Variants in CREG2 observed in about 807,000 individuals in gnomAD.
The protein encoded by CREG2 is protein CREG2.
A neutral mutation model predicts 26.2 loss-of-function variants in CREG2; 24 were observed. The observed-to-expected ratio is 0.92, with a 90% CI of 0.66 to 1.29. The LOEUF (loss-of-function observed/expected upper bound fraction) is 1.29. Ranked by LOEUF, CREG2 falls within the 50% of genes most tolerant of loss-of-function variation. The probability of loss-of-function intolerance (pLI) is 0.00; values close to 1 mark genes in which losing one functional copy is unlikely to be tolerated. For synonymous variants in CREG2, 174 were observed against 169.2 expected (o/e 1.03, Z -0.22); for missense variants, 366 against 398.6 (o/e 0.92, Z 0.70).
At chr2:101,364,221 G>A (rs577667515) in intron 2 of CREG2, among the ~76,000 whole-genome samples, 128 of 152,338 alleles carry the variant, frequency 8.4e-4, no homozygotes, top group African/African-American at 3.0e-3. Flanking sequence ...GTAACAGAAG[G>A]AAGGTAGGTG....
intron 3 of CREG2, among the ~76,000 whole-genome samples, chr2:101,352,285 C>T (rs545696845): frequency 1.2e-4 from 18 of 152,318 alleles, no homozygotes; most frequent in African/African-American, 4.3e-4. Context: ...TCCATTTGAA[C>T]AAAAGTTGCT....
intron 1 of CREG2, among the ~76,000 whole-genome samples, chr2:101,385,302 C>T (rs747381669): frequency 2.0e-4 from 31 of 152,160 alleles, no homozygotes; most frequent in African/African-American, 6.8e-4. Flanking sequence ...GTGCCTTAGC[C>T]TCCCAAGTTG....
At chr2:101,375,342 A>G (rs1022921668) in intron 2 of CREG2, among the ~76,000 whole-genome samples, 3 of 152,158 alleles carry the variant, frequency 2.0e-5, no homozygotes, top group Non-Finnish European at 4.4e-5. Flanking sequence ...TCAGTTTGCA[A>G]AACCACACCG....
chr2:101,354,293 C>T (rs6732143), intron 3 of CREG2, among the ~76,000 whole-genome samples: 102,359 of 152,022 alleles, frequency 0.67, 36,322 homozygotes, highest in South Asian at 0.78. Context: ...AACGTTTGTG[C>T]GCACACACAC....
chr2:101,377,369 A>G (rs1481733809), intron 2 of CREG2, among the ~76,000 whole-genome samples: 1 of 152,076 alleles, frequency 6.6e-6, no homozygotes, highest in African/African-American at 2.4e-5. Flanking sequence ...GGAGAATATC[A>G]CCCCACAGAC....
intron 2 of CREG2, among the ~76,000 whole-genome samples, chr2:101,378,181 T>G (rs1684818911): frequency 6.6e-6 from 1 of 152,226 alleles, no homozygotes; most frequent in African/African-American, 2.4e-5. Context: ...ATGAGTCGAC[T>G]TATTTAGATT....
intron 2 of CREG2, among the ~76,000 whole-genome samples, chr2:101,358,036 C>A (rs1051245222): frequency 3.3e-5 from 5 of 151,498 alleles, no homozygotes; most frequent in African/African-American, 1.2e-4. Context: ...CTCTGTCTCC[C>A]AGGCTGGAGT....
intron 2 of CREG2, among the ~76,000 whole-genome samples, chr2:101,374,633 C>T (rs964697429): frequency 6.6e-6 from 1 of 152,234 alleles, no homozygotes; most frequent in African/African-American, 2.4e-5. Flanking sequence ...TACGTCTTGG[C>T]TCTTAGCAAG....
chr2:101,372,770 T>C lies in CREG2; in HGVS notation c.611+10763A>G, dbSNP rs114259424. 9.0e-3 allele frequency among the ~76,000 whole-genome samples: 1,366 copies of C among 152,288 alleles called. 20 individuals carry two copies. The highest frequency in any genetic ancestry group is 0.03 in the African/African-American group (1,253 of 41,538). On this transcript the variant is annotated intron_variant, in intron 2 of 3. Coordinates refer to ENST00000324768, the MANE Select transcript of CREG2 (RefSeq NM_153836.4). ...TCTAAAAAGGTTCATATCTAGAATA[T>C]ATAAAGACTCTTACAACTCAACAAT...
chr2:101,370,687 C>T (rs1684690263), intron 2 of CREG2, among the ~76,000 whole-genome samples: 1 of 152,136 alleles, frequency 6.6e-6, no homozygotes, highest in Non-Finnish European at 1.5e-5. Flanking sequence ...GCATTTTCAA[C>T]AGAATCAGGT....
intron 3 of CREG2, among the ~76,000 whole-genome samples, chr2:101,354,699 TTG>T (rs1320507962): frequency 8.5e-5 from 13 of 152,142 alleles, no homozygotes; most frequent in Non-Finnish European, 1.8e-4. Context: ...CCCCTCTCAC[TTG>T]TGTGGACCCC....
chr2:101,366,865 A>G (rs1457512480), intron 2 of CREG2, among the ~76,000 whole-genome samples: 6 of 152,168 alleles, frequency 3.9e-5, no homozygotes, highest in Admixed American at 3.9e-4. Flanking sequence ...AAACCAATAT[A>G]GTATAACAAC....
Position 101,349,322 on chromosome 2 carries a change from A to G in CREG2, c.*1601T>C, listed in dbSNP as rs1247912283. On this transcript the variant is annotated 3_prime_UTR_variant, in exon 4 of 4. Coordinates refer to ENST00000324768, the MANE Select transcript of CREG2 (RefSeq NM_153836.4). ...GAACTCTTTTGAGGACTGGCTTATG[A>G]CAAATAAAGAATTCTCTGCATCTTA... 6.6e-6 allele frequency: 1 copy of G among 152,666 alleles called. No individual in the cohort carries two copies. The highest frequency in any genetic ancestry group is 1.5e-5 in the Non-Finnish European group (1 of 68,050). The allele number at this position is 152,666 out of a possible 1,614,324, so 9.5% of individuals were successfully genotyped here.
chr2:101,360,677 G>A, intron 2 of CREG2, among the ~76,000 whole-genome samples: 1 of 151,806 alleles, frequency 6.6e-6, no homozygotes, highest in Non-Finnish European at 1.5e-5. Flanking sequence ...GACGGAAGTT[G>A]CAGCGAGCAG....
At chr2:101,381,271 A>G (rs1274687483) in intron 2 of CREG2, among the ~76,000 whole-genome samples, 1 of 152,096 alleles carries the variant, frequency 6.6e-6, no homozygotes, top group Non-Finnish European at 1.5e-5. Context: ...TCTACCAGAT[A>G]CCTCGCTATA....
In CREG2 at chr2:101,383,571, G is replaced by A. The variant is rs1684914516; in HGVS notation, c.573C>T (p.Ala191=). The stretch of plus-strand genomic sequence containing the variant: ...CTTCTGATTCTGGCAGCATCAGCGA[G>A]GCCATGGGGTTCTTCATCAGATCAG... ...VVADLMKNPM[A]SLMLPESEGE... The change falls in exon 2 of 4, where the codon GCC becomes GCT. Residue 191 remains alanine (A), a synonymous_variant. Coordinates refer to ENST00000324768, the MANE Select transcript of CREG2 (RefSeq NM_153836.4). The A allele has an allele frequency of 6.2e-7, 1 of 1,614,138 alleles. No individual in the cohort carries two copies. Among genetic ancestry groups the A allele is most frequent in the South Asian group, 1.1e-5 (1 of 91,084 alleles).
chr2:101,359,772 T>C (rs1038899414), intron 2 of CREG2, among the ~76,000 whole-genome samples: 3 of 152,182 alleles, frequency 2.0e-5, no homozygotes, highest in African/African-American at 7.2e-5. Context: ...AGAGGTTGAG[T>C]TATGCAACTC....
rs1000572323 is a variant in CREG2, at chr2:101,347,536, T to C, written c.*3387A>G. On this transcript the variant is annotated 3_prime_UTR_variant, in exon 4 of 4. Coordinates refer to ENST00000324768, the MANE Select transcript of CREG2 (RefSeq NM_153836.4). ...TTGGTAGCTATGTAGTGATATCTCA[T>C]TGTAGTATTAGTTTGCAGTTCCCCT... The C allele has an allele frequency of 1.3e-5, 2 of 152,194 alleles. No individual in the cohort carries two copies. Among genetic ancestry groups the C allele is most frequent in the Non-Finnish European group, 2.9e-5 (2 of 68,038 alleles). 9.4% of individuals were successfully genotyped at this position (152,194 alleles called of 1,614,324 possible).
chr2:101,361,945 T>C (rs1046333288), intron 2 of CREG2, among the ~76,000 whole-genome samples: 2 of 152,150 alleles, frequency 1.3e-5, no homozygotes, highest in Non-Finnish European at 2.9e-5. Flanking sequence ...CTCCTCTGGG[T>C]AACAGATCTC....
Sources: allele counts gnomAD v4.1 joint callset (sites outside exome capture counted in the v4.1 genomes callset), GRCh38; gene constraint gnomAD v4.1.1; transcripts MANE v1.5; gene names NCBI Gene and HGNC (gene_info 2026-07-23, HGNC 2026-07-21).